The following LRRC61 variants were observed in gnomAD, a reference collection of about 807,000 sequenced individuals.
LRRC61 encodes the protein leucine rich repeat containing 61, also known as leucine-rich repeat-containing protein 61.
In LRRC61, 9 loss-of-function variants were observed where a neutral mutation model predicts 15.1. The ratio of observed to expected loss-of-function variants is 0.60; its 90% CI spans 0.36 to 1.04. The LOEUF is 1.04. LRRC61 is among the 50% of genes least tolerant of loss of function. The pLI is 0.01. For synonymous variants in LRRC61, 173 were observed against 158.6 expected, an observed-to-expected ratio of 1.09 and a Z score of -0.68; for missense variants, 344 against 335.6, an observed-to-expected ratio of 1.03 and a Z score of -0.20.
rs752405524 is a variant in LRRC61 at position 150,330,887 on chromosome 7, G to T, written c.-145+4877G>T. The T allele has an allele frequency of 1.2e-6, 2 of 1,611,354 alleles. No individual in the cohort carries two copies. Among genetic ancestry groups the T allele is most frequent in the Non-Finnish European group, 8.5e-7 (1 of 1,178,574 alleles). ...GCAGCAGCCACTCTGGGGCCTTCCT[G>T]CTGGCCCAGAGGGAGAAGGGCTTGC... On this transcript the variant is annotated intron_variant, in intron 2 of 2. Coordinates refer to ENST00000359623, the MANE Select transcript of LRRC61 (RefSeq NM_001142928.2). The surrounding 1 kb of genome is among the most constrained non-coding windows in gnomAD (Gnocchi z 4.6).
chr7:150,326,519 C>G (rs181006158), intron 2 of LRRC61, among the ~76,000 whole-genome samples: 2 of 151,926 alleles, frequency 1.3e-5, no homozygotes, highest in Admixed American at 1.3e-4. Flanking sequence ...CCCGTCTCTA[C>G]AGAAAACACA....
At chr7:150,331,423 A>C (rs960894113) in intron 2 of LRRC61, 3 of 308,550 alleles carry the variant, frequency 9.7e-6, no homozygotes, top group Non-Finnish European at 1.9e-5. Context: ...CCACATGCTC[A>C]TGGCCAGAAT....
rs570018894 is a variant in LRRC61 at position 150,324,141 on chromosome 7, A to G, written c.-315+581A>G. The stretch of plus-strand genomic sequence containing the variant: ...TCATCTCCTCCTATCCCTTTCTCTC[A>G]CCACCTTTCAATCTTCTCACAGATG... On this transcript the variant is annotated intron_variant, in intron 1 of 2. Coordinates refer to ENST00000359623, the MANE Select transcript of LRRC61 (RefSeq NM_001142928.2). Among the ~76,000 whole-genome samples, 15 of 151,938 alleles carry G rather than the reference A, an allele frequency of 9.9e-5. 1 individual carries two copies. In the Middle Eastern group the frequency reaches 0.014, roughly 138 times the overall value.
chr7:150,311,059 A>T, the LRRC61 span, among the ~76,000 whole-genome samples: 8 of 152,114 alleles, frequency 5.3e-5, no homozygotes, highest in South Asian at 4.1e-4. Context: ...ATTGTTGGAT[A>T]CTTGCAACTC....
At chr7:150,315,521 T>G in the LRRC61 span, among the ~76,000 whole-genome samples, 2 of 152,086 alleles carry the variant, frequency 1.3e-5, no homozygotes, top group Non-Finnish European at 2.9e-5. Context: ...ATAAGGAAAA[T>G]ACATTGTACG....
intron 2 of LRRC61, among the ~76,000 whole-genome samples, chr7:150,326,683 A>G (rs1175170335): frequency 1.6e-4 from 8 of 51,446 alleles, no homozygotes; most frequent in Admixed American, 4.1e-4. Flanking sequence ...ACCCAGTCTG[A>G]AAAAAAAAAA....
chr7:150,318,233 T>C, the LRRC61 span, among the ~76,000 whole-genome samples: 1 of 152,118 alleles, frequency 6.6e-6, no homozygotes, highest in South Asian at 2.1e-4. Context: ...TCAGAGATCA[T>C]TATGGAGTGG....
At chr7:150,325,754 G>A (rs911528662) in intron 1 of LRRC61, 87 bp from the exon 2 acceptor site, 4 of 152,348 alleles carry the variant, frequency 2.6e-5, no homozygotes, top group African/African-American at 9.6e-5. Flanking sequence ...TTACAGGCGT[G>A]AGCCACCACA....
chr7:150,330,421 C>T lies in LRRC61; in HGVS notation c.-145+4411C>T, dbSNP rs1236165665. ...CCCTTCCAGATGGTGGTCCGCGAGG[C>T]GAGTGCGGCACAGGCCTCTCTGAGC... On this transcript the variant is annotated intron_variant, in intron 2 of 2. Coordinates refer to ENST00000359623, the MANE Select transcript of LRRC61 (RefSeq NM_001142928.2). The surrounding 1 kb of genome is among the most constrained non-coding windows in gnomAD (Gnocchi z 4.6). 2.1e-5 allele frequency: 16 copies of T among 772,166 alleles called. No individual in the cohort carries two copies. The highest frequency in any genetic ancestry group is 1.6e-4 in the South Asian group (12 of 74,618). 47.8% of individuals were successfully genotyped at this position (772,166 alleles called of 1,614,324 possible).
chr7:150,312,138 G>A, the LRRC61 span, among the ~76,000 whole-genome samples: 11 of 152,228 alleles, frequency 7.2e-5, 1 homozygote, highest in South Asian at 2.3e-3. Flanking sequence ...CTCCACACCT[G>A]CTAATATTCC....
In LRRC61 at chr7:150,337,001, G is replaced by C. The variant is rs751108592; in HGVS notation, c.140G>C (p.Gly47Ala). ...CGTGGCTTGGGACTGGCTGACCTGG[G>C]CTGCCTGGGAGAGTGCCTGGGCCTG... is the stretch of plus-strand genomic sequence containing the variant. The part of the protein sequence containing the change: ...KLRGLGLADL[G>A]CLGECLGLEW... The change falls in exon 3 of 3, where the codon GGC (glycine) becomes GCC (alanine). Residue 47 changes from glycine (G) to alanine (A), a missense_variant. Physicochemically the swap from Gly to Ala is moderately conservative, Grantham distance 60. Transcript: ENST00000359623. 30 of 1,613,784 alleles carry C rather than the reference G, an allele frequency of 1.9e-5. No homozygotes were observed. The highest frequency in any genetic ancestry group is 2.3e-5 in the Non-Finnish European group (27 of 1,180,046).
intron 2 of LRRC61, chr7:150,331,226 C>T (rs919623547): frequency 1.9e-6 from 2 of 1,069,772 alleles, no homozygotes; most frequent in African/African-American, 1.6e-5. Context: ...GAGCAGTTCC[C>T]CAACTACACC....
In LRRC61 at chr7:150,331,010, G is replaced by C. The variant is rs765360895; in HGVS notation, c.-145+5000G>C. The C allele has an allele frequency of 3.1e-6, 5 of 1,611,750 alleles. No individual in the cohort carries two copies. The Admixed American group carries it at 8.3e-5, about 27-fold the overall frequency. ...TCATTGTCAAGAAGTATCTGTGGGA[G>C]AATGAGACCGTTGGAGCCCAGGATG... On this transcript the variant is annotated intron_variant, in intron 2 of 2. Coordinates refer to ENST00000359623, the MANE Select transcript of LRRC61 (RefSeq NM_001142928.2).
At chr7:150,315,604 G>T in the LRRC61 span, among the ~76,000 whole-genome samples, 9 of 152,306 alleles carry the variant, frequency 5.9e-5, 1 homozygote, top group East Asian at 1.7e-3. Context: ...ACATTCCTAT[G>T]AAATAAAATT....
rs202086113 is a variant in LRRC61, at chr7:150,337,126, G to T, written c.265G>T (p.Gly89Cys). 2.8e-5 allele frequency: 45 copies of T among 1,612,094 alleles called. No individual in the cohort carries two copies. In the East Asian group the frequency reaches 9.6e-4, roughly 34 times the overall value. The change falls in exon 3 of 3, where the codon GGC (glycine) becomes TGC (cysteine). Residue 89 changes from glycine (G) to cysteine (C), a missense_variant. Gly to Cys is a radical substitution (Grantham distance 159, BLOSUM62 -3). Transcript: ENST00000359623. Reference protein sequence around the residue: ...VLNVSNNRLTGLEPLATCENL... With the variant: ...VLNVSNNRLTCLEPLATCENL... ...CAATGTCTCCAACAATCGGCTGACG[G>T]GCCTGGAGCCACTGGCCACCTGTGA...
At chr7:150,310,031 TC>T in the LRRC61 span, among the ~76,000 whole-genome samples, 1 of 152,132 alleles carries the variant, frequency 6.6e-6, no homozygotes, top group Non-Finnish European at 1.5e-5. Flanking sequence ...CTCTTAAAAT[TC>T]CCCCACTCTG....
chr7:150,317,517 AATG>A, the LRRC61 span, among the ~76,000 whole-genome samples: 1 of 152,184 alleles, frequency 6.6e-6, no homozygotes, highest in Non-Finnish European at 1.5e-5. Flanking sequence ...AGTCACTTGA[AATG>A]ATGATAATTT....
chr7:150,320,501 G>A (rs1411383358), upstream of LRRC61, among the ~76,000 whole-genome samples: 1 of 152,140 alleles, frequency 6.6e-6, no homozygotes, highest in Non-Finnish European at 1.5e-5. Flanking sequence ...CATGGCTCAA[G>A]CCTGTAATCC....
chr7:150,323,720 C>T (rs1797814744), intron 1 of LRRC61, 160 bp downstream of exon 1: 3 of 455,272 alleles, frequency 6.6e-6, no homozygotes, highest in South Asian at 3.1e-5. Context: ...CCCATCTCTC[C>T]CTCTGTGCCG....
Sources: allele counts gnomAD v4.1 joint callset (sites outside exome capture counted in the v4.1 genomes callset), GRCh38; gene constraint gnomAD v4.1.1; non-coding constraint Gnocchi (gnomAD v3.1); transcripts MANE v1.5; gene names NCBI Gene and HGNC (gene_info 2026-07-23, HGNC 2026-07-21).